Variants in SLC6A13 observed in about 807,000 individuals in gnomAD.
SLC6A13 encodes the protein sodium- and chloride-dependent GABA transporter 2.
A neutral mutation model predicts 72.9 loss-of-function variants in SLC6A13; 69 were observed. The observed-to-expected ratio is 0.95, with a 90% CI of 0.78 to 1.16. The LOEUF (loss-of-function observed/expected upper bound fraction) is 1.16. SLC6A13 is among the 50% of genes most tolerant of loss of function. The probability of loss-of-function intolerance (pLI) is 0.00; values close to 1 mark genes in which losing one functional copy is unlikely to be tolerated. For synonymous variants in SLC6A13, 303 were observed against 303.0 expected (o/e 1.00, Z 0.00); for missense variants, 735 against 760.5 (o/e 0.97, Z 0.39).
intron 2 of SLC6A13, among the ~76,000 whole-genome samples, chr12:249,478 TAAG>T (rs1942465535): frequency 6.6e-6 from 1 of 151,896 alleles, no homozygotes; most frequent in Admixed American, 6.6e-5. Context: ...AAAACAATAA[TAAG>T]AAAAGATATG....
chr12:222,618 A>T lies in SLC6A13; in HGVS notation c.1429T>A (p.Tyr477Asn). 6.2e-7 allele frequency: 1 copy of T among 1,606,630 alleles called. No homozygotes were observed. Among genetic ancestry groups the T allele is most frequent in the Non-Finnish European group, 8.5e-7 (1 of 1,175,352 alleles). Residue 477 changes from tyrosine (Y) to asparagine (N), a missense_variant, in exon 13 of 15, where the codon TAC becomes AAC. Tyr to Asn is a moderately radical substitution (Grantham distance 143). Coordinates refer to ENST00000343164, the MANE Select transcript of SLC6A13 (RefSeq NM_016615.5). ...VAWVYGAKRF[Y>N]DNIEDMIGYR... is the part of the protein sequence containing the mutation. ...CCAATCATGTCTTCGATGTTGTCGT[A>T]GAAGCGCTTGGCTCCTACCATGGAG... is the stretch of plus-strand genomic sequence containing the variant.
In SLC6A13 at chr12:222,645, AAAG is replaced by A. The variant is rs772130427; in HGVS notation, c.1415-16_1415-14del. The stretch of plus-strand genomic sequence containing the variant: ...AAGCGCTTGGCTCCTACCATGGAGA[AAAG>A]AAGAAGGAAGGAGGAGAAAGTCATT... On this transcript the variant is annotated splice_polypyrimidine_tract_variant and intron_variant, in intron 12 of 14. Transcript: ENST00000343164. 25 of 1,564,704 alleles carry A rather than the reference AAAG, an allele frequency of 1.6e-5. No individual in the cohort carries two copies. The highest frequency in any genetic ancestry group is 1.7e-4 in the Middle Eastern group (1 of 5,996).
intron 6 of SLC6A13, among the ~76,000 whole-genome samples, chr12:236,489 G>A (rs1941936419): frequency 6.6e-6 from 1 of 152,176 alleles, no homozygotes; most frequent in African/African-American, 2.4e-5. Flanking sequence ...CCTATCCCTT[G>A]AGCCACAGCC....
At chr12:235,564 A>C (rs1209999028) in intron 6 of SLC6A13, among the ~76,000 whole-genome samples, 1 of 152,128 alleles carries the variant, frequency 6.6e-6, no homozygotes, top group Non-Finnish European at 1.5e-5. Flanking sequence ...ACCTCACCTC[A>C]AGACCACCGT....
chr12:251,498 C>A lies in SLC6A13; in HGVS notation c.203-7685G>T, dbSNP rs1256250519. 2.6e-5 allele frequency among the ~76,000 whole-genome samples: 4 copies of A among 152,140 alleles called. No individual in the cohort carries two copies. The East Asian group carries it at 7.7e-4, about 29-fold the overall frequency. On this transcript the variant is annotated intron_variant, in intron 2 of 14. Coordinates refer to ENST00000343164, the MANE Select transcript of SLC6A13 (RefSeq NM_016615.5). ...CAAAATGAAACATAGAGCTAAATGT[C>A]AAACCTAAAACTATACATCTTCTAG... is the stretch of plus-strand genomic sequence containing the variant.
chr12:260,188 G>C (rs1358583996), intron 1 of SLC6A13, 131 bp from the exon 2 acceptor site: 1 of 924,576 alleles, frequency 1.1e-6, no homozygotes, highest in Non-Finnish European at 1.6e-6. Context: ...CTTCCCTGTA[G>C]ACCATGTCCT....
At chr12:221,153 TC>T in intron 14 of SLC6A13, 83 bp from the exon 15 acceptor site, 6 of 1,489,894 alleles carry the variant, frequency 4.0e-6, no homozygotes, top group Admixed American at 4.4e-5. Context: ...ATCTGCTGCC[TC>T]CCCACACACA....
chr12:221,369 G>T lies in SLC6A13; in HGVS notation c.1686+7C>A, dbSNP rs116358772. Reference sequence around the variant, plus strand: ...TCTGGCTGCTTTCCTGCCCGCAAAGGCCCTACCTCTCTGAAGGGGCCCTTG... The same window carrying T: ...TCTGGCTGCTTTCCTGCCCGCAAAGTCCCTACCTCTCTGAAGGGGCCCTTG... On this transcript the variant is annotated splice_region_variant and intron_variant, in intron 14 of 14. Transcript: ENST00000343164. The T allele has an allele frequency of 3.8e-6, 6 of 1,583,270 alleles. No homozygotes were observed. Among genetic ancestry groups the T allele is most frequent in the Non-Finnish European group, 3.4e-6 (4 of 1,164,844 alleles).
intron 7 of SLC6A13, among the ~76,000 whole-genome samples, chr12:228,269 A>G (rs1941550850): frequency 6.6e-6 from 1 of 152,170 alleles, no homozygotes; most frequent in African/African-American, 2.4e-5. Context: ...TGTTATTGTT[A>G]TTATCTCAGC....
chr12:243,283 G>A (rs1385591602), intron 3 of SLC6A13, among the ~76,000 whole-genome samples: 2 of 152,150 alleles, frequency 1.3e-5, no homozygotes, highest in Non-Finnish European at 2.9e-5. Context: ...CCAAAGTGCT[G>A]GGATTACAGG....
intron 4 of SLC6A13, among the ~76,000 whole-genome samples, chr12:240,142 A>G (rs1942111242): frequency 6.6e-6 from 1 of 152,220 alleles, no homozygotes; most frequent in African/African-American, 2.4e-5. Flanking sequence ...CTCAGTACAC[A>G]TAGATATTTA....
At chr12:251,513 A>G (rs1272082201) in intron 2 of SLC6A13, among the ~76,000 whole-genome samples, 1 of 152,242 alleles carries the variant, frequency 6.6e-6, no homozygotes, top group Non-Finnish European at 1.5e-5. Flanking sequence ...CTAAAACTAT[A>G]CATCTTCTAG....
intron 2 of SLC6A13, among the ~76,000 whole-genome samples, chr12:253,101 C>G (rs1240928287): frequency 6.6e-6 from 1 of 152,202 alleles, no homozygotes; most frequent in Non-Finnish European, 1.5e-5. Flanking sequence ...CCCATATCAT[C>G]CATACTAGTC....
At position 235,396 on chromosome 12, in the gene SLC6A13, C is replaced by T. The variant is rs565920066; in HGVS notation, c.697-172G>A. Among the ~76,000 whole-genome samples, 8 of 152,170 alleles carry T rather than the reference C, an allele frequency of 5.3e-5. No homozygotes were observed. In the East Asian group the frequency reaches 9.6e-4, roughly 18 times the overall value. ...TTCTGTTGCAGGAAGTTAGGGACCC[C>T]GAATGGAGGGACTGGCTGGAGCCAC... On this transcript the variant is annotated intron_variant, in intron 6 of 14. Coordinates refer to ENST00000343164, the MANE Select transcript of SLC6A13 (RefSeq NM_016615.5).
chr12:224,166 G>C (rs1217336833), intron 10 of SLC6A13, 37 bp from the exon 11 acceptor site: 3 of 1,612,022 alleles, frequency 1.9e-6, no homozygotes, highest in Non-Finnish European at 2.5e-6. Flanking sequence ...GGGAAGGAGA[G>C]CTCCCGAGAT....
intron 2 of SLC6A13, among the ~76,000 whole-genome samples, chr12:245,679 CAA>C (rs201656065): frequency 7.1e-6 from 1 of 140,102 alleles, no homozygotes; most frequent in African/African-American, 2.7e-5. Flanking sequence ...GACTCTGTCG[CAA>C]AAAAAAAAGA....
rs2137241657 is a variant in SLC6A13, at chr12:220,865, A to G, written c.*83T>C. On this transcript the variant is annotated 3_prime_UTR_variant, in exon 15 of 15. Coordinates refer to ENST00000343164, the MANE Select transcript of SLC6A13 (RefSeq NM_016615.5). ...ATCCACTCCAGGTCGGGGGCAGGGAAGCACATGGGGCTGCTTCTGCCACGT... is the reference window on the plus strand; with the variant it reads ...ATCCACTCCAGGTCGGGGGCAGGGAGGCACATGGGGCTGCTTCTGCCACGT... 2 of 1,555,238 alleles carry G rather than the reference A, an allele frequency of 1.3e-6. No individual in the cohort carries two copies. The highest frequency in any genetic ancestry group is 1.7e-6 in the Non-Finnish European group (2 of 1,146,438).
chr12:250,373 T>G (rs746038149), intron 2 of SLC6A13, among the ~76,000 whole-genome samples: 9 of 151,520 alleles, frequency 5.9e-5, no homozygotes, highest in Admixed American at 1.3e-4. Flanking sequence ...AGACATGATA[T>G]TCTACAATGA....
chr12:245,551 G>A (rs1017260393), intron 2 of SLC6A13, among the ~76,000 whole-genome samples: 7 of 152,036 alleles, frequency 4.6e-5, no homozygotes, highest in Non-Finnish European at 7.4e-5. Flanking sequence ...ATGGTGGCAC[G>A]CACCTGTAGC....
Sources: gnomAD v4.1 joint callset for allele counts (sites outside exome capture counted in the v4.1 genomes callset) on GRCh38, gnomAD v4.1.1 for gene constraint, MANE v1.5 for transcripts, NCBI Gene and HGNC (gene_info 2026-07-23, HGNC 2026-07-21) for gene names.